Variants in GMDS observed in about 807,000 individuals in gnomAD.
The protein encoded by GMDS is GDP-mannose 4,6-dehydratase.
Under a neutral mutation model 49.9 loss-of-function variants are expected in GMDS, and 20 were observed. The ratio of observed to expected loss-of-function variants is 0.40; its 90% CI spans 0.28 to 0.58. The LOEUF (loss-of-function observed/expected upper bound fraction) is 0.58, where lower values mean the gene tolerates loss of function less well. Among genes scored for constraint, GMDS ranks in the 20% least tolerant of loss-of-function variants. The pLI is 0.42. For missense variants in GMDS, 362 were observed against 481.4 expected, an observed-to-expected ratio of 0.75 and a Z score of 2.32; for synonymous variants, 177 against 178.6, an observed-to-expected ratio of 0.99 and a Z score of 0.07.
In GMDS at chr6:1,804,202, T is replaced by C. The variant is rs1315080277; in HGVS notation, c.772-61616A>G. Among the ~76,000 whole-genome samples, 7 of 152,390 alleles carry C rather than the reference T, an allele frequency of 4.6e-5. No individual in the cohort carries two copies. In the South Asian group the frequency reaches 1.4e-3, roughly 32 times the overall value. ...TAAATGCTTTATGGTCAATTTGATTTGTAAATTCATTTGCTCTAAAGAAGC... is the reference window on the plus strand; with the variant it reads ...TAAATGCTTTATGGTCAATTTGATTCGTAAATTCATTTGCTCTAAAGAAGC... On this transcript the variant is annotated intron_variant, in intron 7 of 10. Transcript: ENST00000380815.
intron 1 of GMDS, among the ~76,000 whole-genome samples, chr6:2,184,708 T>C (rs1468211827): frequency 6.6e-6 from 1 of 152,260 alleles, no homozygotes; most frequent in Non-Finnish European, 1.5e-5. Context: ...AAAATTTTCT[T>C]TTAAAAATGT....
chr6:1,997,131 C>T (rs1479109472), intron 4 of GMDS, among the ~76,000 whole-genome samples: 1 of 151,906 alleles, frequency 6.6e-6, no homozygotes, highest in Non-Finnish European at 1.5e-5. Flanking sequence ...AGGGAAGGTG[C>T]TGGCAGATAG....
rs565500525 is a variant in GMDS at position 2,050,956 on chromosome 6, CAG to C, written c.345+64813_345+64814del. Reference sequence around the variant, plus strand: ...GGGAACATCACACACCGGAGCCTGTCAGGGGGTGTGGGGCTGGGGGAGGGATA... The same window carrying C: ...GGGAACATCACACACCGGAGCCTGTCGGGGTGTGGGGCTGGGGGAGGGATA... On this transcript the variant is annotated intron_variant, in intron 4 of 10. Coordinates refer to ENST00000380815, the MANE Select transcript of GMDS (RefSeq NM_001500.4). Among the ~76,000 whole-genome samples the C allele has an allele frequency of 1.1e-4, 17 of 151,942 alleles. No homozygotes were observed. The East Asian group carries it at 3.3e-3, about 29-fold the overall frequency.
chr6:1,660,036 C>T lies in GMDS; in HGVS notation c.988-35496G>A, dbSNP rs115077350. 9.3e-3 allele frequency among the ~76,000 whole-genome samples: 1,414 copies of T among 152,114 alleles called. 19 individuals are homozygous for T. The highest frequency in any genetic ancestry group is 0.032 in the African/African-American group (1,331 of 41,492). On this transcript the variant is annotated intron_variant, in intron 9 of 10. Transcript: ENST00000380815. Reference sequence around the variant, plus strand: ...CGTCCAGTGAGAGACACCCTGCATGCGTCACGTGGCTCCCCAGCCGCGGAC... The same window carrying T: ...CGTCCAGTGAGAGACACCCTGCATGTGTCACGTGGCTCCCCAGCCGCGGAC...
chr6:1,886,135 A>G (rs1272657146), intron 7 of GMDS, among the ~76,000 whole-genome samples: 1 of 152,218 alleles, frequency 6.6e-6, no homozygotes, highest in East Asian at 1.9e-4. Flanking sequence ...AATGCCAAGA[A>G]TGTCCTCTTA....
At chr6:2,052,830 A>G (rs892456692) in intron 4 of GMDS, among the ~76,000 whole-genome samples, 7 of 152,356 alleles carry the variant, frequency 4.6e-5, no homozygotes, top group African/African-American at 1.7e-4. Flanking sequence ...TGAGGAAACT[A>G]GCCCTAGGAC....
At chr6:1,860,791 T>C (rs1401332120) in intron 7 of GMDS, among the ~76,000 whole-genome samples, 3 of 152,134 alleles carry the variant, frequency 2.0e-5, no homozygotes, top group Non-Finnish European at 2.9e-5. Flanking sequence ...CCAAGGGTAC[T>C]TTAAGAAGAT....
chr6:2,121,316 A>G (rs1278568234), intron 2 of GMDS, among the ~76,000 whole-genome samples: 1 of 152,234 alleles, frequency 6.6e-6, no homozygotes, highest in Non-Finnish European at 1.5e-5. Flanking sequence ...AAACCCAAGA[A>G]TTCTTAGGTT....
In GMDS at chr6:2,048,933, C is replaced by T. The variant is rs950142916; in HGVS notation, c.345+66838G>A. On this transcript the variant is annotated intron_variant, in intron 4 of 10. Transcript: ENST00000380815. ...TACCAATATGGGGATGGAGATGGGC[C>T]TTTGGGAGGTAAGCAGGGTTAGATG... is the stretch of plus-strand genomic sequence containing the variant. Among the ~76,000 whole-genome samples, 6 of 152,164 alleles carry T rather than the reference C, an allele frequency of 3.9e-5. No homozygotes were observed. In the East Asian group the frequency reaches 5.8e-4, roughly 15 times the overall value.
intron 1 of GMDS, among the ~76,000 whole-genome samples, chr6:2,169,513 C>T (rs1350708675): frequency 6.6e-6 from 1 of 150,776 alleles, no homozygotes; most frequent in African/African-American, 2.4e-5. Flanking sequence ...GAGGCTGGAG[C>T]TGGAGAATCG....
chr6:2,203,928 C>T (rs1003759516), intron 1 of GMDS, among the ~76,000 whole-genome samples: 11 of 152,154 alleles, frequency 7.2e-5, no homozygotes, highest in South Asian at 4.1e-4. Flanking sequence ...CAGCATTTAA[C>T]GTTTTCCTTA....
At chr6:1,978,327 C>A (rs1037842812) in intron 4 of GMDS, among the ~76,000 whole-genome samples, 2 of 152,160 alleles carry the variant, frequency 1.3e-5, no homozygotes, top group Non-Finnish European at 2.9e-5. Context: ...GTATTAGGGA[C>A]AGAGCTCTGA....
chr6:2,073,635 CTCTT>C (rs1772146272), intron 4 of GMDS, among the ~76,000 whole-genome samples: 1 of 152,152 alleles, frequency 6.6e-6, no homozygotes, highest in Admixed American at 6.5e-5. Flanking sequence ...TGACCAAACT[CTCTT>C]TATCTGTTCC....
intron 7 of GMDS, among the ~76,000 whole-genome samples, chr6:1,750,405 T>A (rs1021478997): frequency 1.3e-5 from 2 of 152,206 alleles, no homozygotes; most frequent in African/African-American, 4.8e-5. Context: ...TTGGGACTGG[T>A]TAGACAGTGG....
chr6:1,810,273 CA>C (rs1770362371), intron 7 of GMDS, among the ~76,000 whole-genome samples: 1 of 152,034 alleles, frequency 6.6e-6, no homozygotes, highest in Non-Finnish European at 1.5e-5. Flanking sequence ...GAGGAATAGG[CA>C]GGGGGCAGAG....
chr6:2,081,502 A>G (rs959735377), intron 4 of GMDS, among the ~76,000 whole-genome samples: 1 of 152,002 alleles, frequency 6.6e-6, no homozygotes, highest in African/African-American at 2.4e-5. Context: ...CTTGTCCTAG[A>G]GCCCTTCCAT....
chr6:1,726,287 A>G (rs970022216), intron 9 of GMDS, 129 bp downstream of exon 9: 1 of 667,846 alleles, frequency 1.5e-6, no homozygotes, highest in South Asian at 1.8e-5. Context: ...GATTTTGGAA[A>G]TGCACGCTGA....
intron 7 of GMDS, among the ~76,000 whole-genome samples, chr6:1,848,467 T>A (rs1053811820): frequency 6.6e-6 from 1 of 152,210 alleles, no homozygotes; most frequent in Non-Finnish European, 1.5e-5. Context: ...TTCTGAAAAC[T>A]CTCGTCACCT....
chr6:1,691,408 C>T (rs1262351817), intron 9 of GMDS, among the ~76,000 whole-genome samples: 1 of 152,038 alleles, frequency 6.6e-6, no homozygotes, highest in Admixed American at 6.6e-5. Context: ...TGCATGCTGG[C>T]CTTAATACTT....
Sources: allele counts gnomAD v4.1 joint callset (sites outside exome capture counted in the v4.1 genomes callset), GRCh38; gene constraint gnomAD v4.1.1; transcripts MANE v1.5; gene names NCBI Gene and HGNC (gene_info 2026-07-23, HGNC 2026-07-21).